The following CARHSP1 variants were observed in gnomAD, a reference collection of about 807,000 sequenced individuals.
CARHSP1 encodes calcium-regulated heat-stable protein 1.
Under a neutral mutation model 12.5 loss-of-function variants are expected in CARHSP1, and 14 were observed. The ratio of observed to expected loss-of-function variants is 1.12; its 90% confidence interval spans 0.74 to 1.75. CARHSP1 has a LOEUF of 1.75. Among genes scored for constraint, CARHSP1 ranks in the 40% most tolerant of loss-of-function variants. CARHSP1 has a pLI of 0.00. For missense variants in CARHSP1, 343 were observed against 201.6 expected (o/e 1.70, Z -4.25); for synonymous variants, 161 against 82.0 (o/e 1.96, Z -5.20).
intron 1 of CARHSP1, chr16:8,866,571 T>A (rs1479941748): frequency 3.9e-6 from 2 of 511,852 alleles, no homozygotes; most frequent in Non-Finnish European, 5.0e-6. Flanking sequence ...GATAGAAGGG[T>A]CCCTGGAAGC....
chr16:8,860,281 T>A (rs1414875449), intron 1 of CARHSP1: 1 of 983,594 alleles, frequency 1.0e-6, no homozygotes, highest in East Asian at 1.1e-4. Context: ...TCAGGCCCAG[T>A]GAATTTCCAC....
chr16:8,861,989 CTTTTTTTT>C (rs537614451), intron 1 of CARHSP1, among the ~76,000 whole-genome samples: 11,190 of 79,848 alleles, frequency 0.14, 931 homozygotes, highest in Admixed American at 0.29. Context: ...GCATAGCTGA[CTTTTTTTT>C]TTTTTTTTTT....
chr16:8,863,086 C>A (rs970204608), intron 1 of CARHSP1, among the ~76,000 whole-genome samples: 1 of 141,808 alleles, frequency 7.1e-6, no homozygotes, highest in South Asian at 2.3e-4. Context: ...GGTCTCCAGA[C>A]GGTCCAGGAA....
intron 3 of CARHSP1, among the ~76,000 whole-genome samples, chr16:8,857,135 C>G (rs963887528): frequency 6.6e-6 from 1 of 152,114 alleles, no homozygotes; most frequent in African/African-American, 2.4e-5. Context: ...CGGACTCACC[C>G]CAGCAGTCCC....
chr16:8,862,690 G>C (rs568830252), intron 1 of CARHSP1, among the ~76,000 whole-genome samples: 2 of 152,308 alleles, frequency 1.3e-5, no homozygotes, highest in East Asian at 3.9e-4. Context: ...CCTGTGCAAA[G>C]GCCCTGAGGG....
At chr16:8,860,329 C>T (rs2061312148) in intron 1 of CARHSP1, 1 of 985,352 alleles carries the variant, frequency 1.0e-6, no homozygotes, top group Non-Finnish European at 1.2e-6. Flanking sequence ...AATCAAATTC[C>T]TTCTGTGACC....
rs77020509 is a variant in CARHSP1, at chr16:8,857,114, T to C, written c.281+1236A>G. Among the ~76,000 whole-genome samples, 641 of 152,088 alleles carry C rather than the reference T, an allele frequency of 4.2e-3. 6 individuals carry two copies. The highest frequency in any genetic ancestry group is 0.015 in the African/African-American group (606 of 41,486). Reference sequence around the variant, plus strand: ...CTCATGGGGTGTCCTTGGCCAGATATAATGGGCACTCGGACTCACCCCAGC... The same window carrying C: ...CTCATGGGGTGTCCTTGGCCAGATACAATGGGCACTCGGACTCACCCCAGC... On this transcript the variant is annotated intron_variant, in intron 3 of 3. Coordinates refer to ENST00000311052, the MANE Select transcript of CARHSP1 (RefSeq NM_014316.4).
chr16:8,863,138 C>CAGAT (rs2061397248), intron 1 of CARHSP1, among the ~76,000 whole-genome samples: 3 of 15,466 alleles, frequency 1.9e-4, no homozygotes, highest in African/African-American at 5.9e-4. Flanking sequence ...TTTTTTTTTT[C>CAGAT]AGATAGGATC....
chr16:8,863,861 G>C (rs908086001), intron 1 of CARHSP1, among the ~76,000 whole-genome samples: 3 of 152,160 alleles, frequency 2.0e-5, no homozygotes, highest in Non-Finnish European at 2.9e-5. Flanking sequence ...CACAAGGATG[G>C]GGCCACACAG....
At chr16:8,863,112 C>CCT (rs2061395514) in intron 1 of CARHSP1, among the ~76,000 whole-genome samples, 2 of 74,130 alleles carry the variant, frequency 2.7e-5, no homozygotes, top group African/African-American at 1.2e-4. Context: ...ACAAGGATGG[C>CCT]TTTTTTTTTT....
chr16:8,857,285 T>C (rs1327723501), intron 3 of CARHSP1, among the ~76,000 whole-genome samples: 2 of 127,746 alleles, frequency 1.6e-5, no homozygotes, highest in Non-Finnish European at 3.4e-5. Flanking sequence ...TTTTTTTTTT[T>C]TTTTTTTTTT....
At chr16:8,867,077 G>T (rs185565360) in intron 1 of CARHSP1, among the ~76,000 whole-genome samples, 3 of 152,018 alleles carry the variant, frequency 2.0e-5, no homozygotes, top group Admixed American at 2.0e-4. Flanking sequence ...CAGGGAGACG[G>T]TCACCCCACC....
In CARHSP1 at chr16:8,858,461, G is replaced by C; in HGVS notation, c.170C>G (p.Ala57Gly). The change falls in exon 3 of 4, where the codon GCT (alanine) becomes GGT (glycine). Residue 57 changes from alanine to glycine, a missense_variant. Ala to Gly is a moderately conservative substitution (Grantham distance 60, BLOSUM62 0). Transcript: ENST00000311052. Reference protein sequence around the residue: ...RTRTFSATVRASQGPVYKGVC... With the variant: ...RTRTFSATVRGSQGPVYKGVC... ...TCCTTTGTAGACGGGGCCCTGTGAA[G>C]CCCGCACCGTCCTGACAGAGAGGGG... The C allele has an allele frequency of 6.2e-7, 1 of 1,613,802 alleles. No individual in the cohort carries two copies. The highest frequency in any genetic ancestry group is 8.5e-7 in the Non-Finnish European group (1 of 1,179,990).
At chr16:8,856,252 C>T (rs547708770) in intron 3 of CARHSP1, among the ~76,000 whole-genome samples, 1 of 152,174 alleles carries the variant, frequency 6.6e-6, no homozygotes, top group African/African-American at 2.4e-5. Context: ...ATCTTGATGT[C>T]CCCTTGATGA....
rs2061162124 is a variant in CARHSP1 at position 8,857,286 on chromosome 16, T to TTTTG, written c.281+1063_281+1064insCAAA. Reference sequence around the variant, plus strand: ...CTGTTTTTTTTTTTTTTTTTTTTTTTTTTTTTTTTTTTTGAGATGGAGTTT... The same window carrying TTTTG: ...CTGTTTTTTTTTTTTTTTTTTTTTTTTTTGTTTTTTTTTTTTTGAGATGGAGTTT... On this transcript the variant is annotated intron_variant, in intron 3 of 3. Transcript: ENST00000311052. 2.4e-5 allele frequency among the ~76,000 whole-genome samples: 3 copies of TTTTG among 125,458 alleles called. No individual in the cohort carries two copies. The Admixed American group carries it at 2.5e-4, about 10-fold the overall frequency. The allele number at this position is 125,458 out of a possible 152,430, so 82.3% of individuals were successfully genotyped here. A position where few individuals can be genotyped will look rare whatever the true frequency, so the allele number is the denominator to read the frequency against.
chr16:8,858,899 T>A, intron 2 of CARHSP1: 1 of 421,542 alleles, frequency 2.4e-6, no homozygotes, highest in Non-Finnish European at 4.2e-6. Flanking sequence ...GGAACCAGAC[T>A]CTCATGTGTG....
chr16:8,858,487 G>A lies in CARHSP1; in HGVS notation c.159-15C>T, dbSNP rs202136921. 33 of 1,612,360 alleles carry A rather than the reference G, an allele frequency of 2.0e-5. No homozygotes were observed. Among genetic ancestry groups the A allele is most frequent in the East Asian group, 6.7e-5 (3 of 44,880 alleles). On this transcript the variant is annotated splice_polypyrimidine_tract_variant and intron_variant, in intron 2 of 3. Transcript: ENST00000311052. ...CCCGCACCGTCCTGACAGAGAGGGG[G>A]AAATGTCAGGGGCCCCATCAGCGCT...
At chr16:8,856,575 C>T (rs538691564) in intron 3 of CARHSP1, among the ~76,000 whole-genome samples, 4 of 151,038 alleles carry the variant, frequency 2.6e-5, no homozygotes, top group Admixed American at 6.6e-5. Context: ...ATGTGAAATG[C>T]GTCACCTTGG....
At position 8,858,378 on chromosome 16, in the gene CARHSP1, C is replaced by T. The variant is rs181283555; in HGVS notation, c.253G>A (p.Gly85Ser). The change falls in exon 3 of 4, where the codon GGC becomes AGC. Residue 85 changes from glycine to serine, a missense_variant. Physicochemically the swap from Gly to Ser is moderately conservative, Grantham distance 56. Coordinates refer to ENST00000311052, the MANE Select transcript of CARHSP1 (RefSeq NM_014316.4). Reference sequence around the variant, plus strand: ...GAGATGTGCAGGAAGATGTCGGGGCCGCCATCAGCTGGAGTAATGAAGCCA... The same window carrying T: ...GAGATGTGCAGGAAGATGTCGGGGCTGCCATCAGCTGGAGTAATGAAGCCA... ...GHGFITPADG[G>S]PDIFLHISDV... 1.2e-4 allele frequency: 193 copies of T among 1,613,972 alleles called. No homozygotes were observed. Among genetic ancestry groups the T allele is most frequent in the Middle Eastern group, 8.3e-4 (5 of 6,058 alleles).
Sources: allele counts gnomAD v4.1 joint callset (sites outside exome capture counted in the v4.1 genomes callset), GRCh38; gene constraint gnomAD v4.1.1; transcripts MANE v1.5; gene names NCBI Gene and HGNC (gene_info 2026-07-23, HGNC 2026-07-21).